The following RALA variants were observed in gnomAD, a reference collection of about 807,000 sequenced individuals.
RALA encodes ras-related protein Ral-A.
RALA carries 5 observed loss-of-function variants against 24.0 expected under a neutral mutation model. The ratio of observed to expected loss-of-function variants is 0.21; its 90% CI spans 0.11 to 0.44. The LOEUF is 0.44. Ranked by LOEUF, RALA falls within the 20% of genes least tolerant of loss-of-function variation. The pLI, the probability that RALA is intolerant of heterozygous loss-of-function variation, is 0.99. For synonymous variants in RALA, 77 were observed against 83.8 expected (o/e 0.92, Z 0.44); for missense variants, 95 against 241.2 (o/e 0.39, Z 4.01).
At chr7:39,674,858 C>T (rs1792452474) in intron 1 of RALA, among the ~76,000 whole-genome samples, 1 of 125,762 alleles carries the variant, frequency 8.0e-6, no homozygotes, top group African/African-American at 3.2e-5. Context: ...GAGTCTTCCT[C>T]TGTTGCCCAG....
intron 4 of RALA, chr7:39,703,246 G>A (rs907515793): frequency 1.3e-5 from 2 of 152,082 alleles, no homozygotes; most frequent in Admixed American, 6.6e-5. Flanking sequence ...AGTCAGAATC[G>A]AGACCTCCTG....
chr7:39,636,850 G>A (rs1022953556), intron 1 of RALA, among the ~76,000 whole-genome samples: 3 of 151,906 alleles, frequency 2.0e-5, no homozygotes, highest in South Asian at 2.1e-4. Flanking sequence ...AGAGAGACAC[G>A]GGGGCAAGGA....
intron 1 of RALA, among the ~76,000 whole-genome samples, chr7:39,644,706 A>G (rs570249405): frequency 1.3e-5 from 2 of 152,284 alleles, no homozygotes; most frequent in East Asian, 3.9e-4. Context: ...TAAACTATCT[A>G]ATTTCATTAG....
chr7:39,691,109 A>G (rs1426156470), intron 3 of RALA, among the ~76,000 whole-genome samples: 1 of 152,186 alleles, frequency 6.6e-6, no homozygotes, highest in Non-Finnish European at 1.5e-5. Context: ...TAATAGAAAT[A>G]ATATCTCTGT....
intron 3 of RALA, among the ~76,000 whole-genome samples, chr7:39,696,211 A>T (rs1413030407): frequency 6.6e-6 from 1 of 152,226 alleles, no homozygotes; most frequent in Non-Finnish European, 1.5e-5. Context: ...TTTGAAAAAC[A>T]ATTGGTGGGA....
intron 1 of RALA, among the ~76,000 whole-genome samples, chr7:39,636,331 A>G (rs1208200504): frequency 1.3e-5 from 2 of 152,202 alleles, no homozygotes; most frequent in Non-Finnish European, 1.5e-5. Flanking sequence ...CTGGAAGCGT[A>G]TGAGAGTTCC....
At chr7:39,699,508 A>C (rs79012338) in intron 4 of RALA, among the ~76,000 whole-genome samples, 1,574 of 152,348 alleles carry the variant, frequency 0.01, 21 homozygotes, top group African/African-American at 0.036. Flanking sequence ...TAGTCAGTGA[A>C]GCATTATTTT....
chr7:39,668,777 A>G (rs1241899900), intron 1 of RALA, among the ~76,000 whole-genome samples: 2 of 148,604 alleles, frequency 1.3e-5, no homozygotes, highest in African/African-American at 5.0e-5. Flanking sequence ...AGCCTGAGCA[A>G]CAAGAGCGAA....
chr7:39,665,652 T>C (rs1792274165), intron 1 of RALA, among the ~76,000 whole-genome samples: 1 of 152,014 alleles, frequency 6.6e-6, no homozygotes, highest in Admixed American at 6.5e-5. Flanking sequence ...AATGTAGTTT[T>C]TTTTTTTTTT....
intron 1 of RALA, among the ~76,000 whole-genome samples, chr7:39,625,382 G>A (rs1278372711): frequency 1.4e-4 from 21 of 152,232 alleles, no homozygotes. Context: ...TTAGTAGGAA[G>A]AGACTGCCTG....
intron 1 of RALA, among the ~76,000 whole-genome samples, chr7:39,665,292 T>C (rs1792263881): frequency 6.6e-6 from 1 of 152,170 alleles, no homozygotes; most frequent in African/African-American, 2.4e-5. Context: ...TAATGACTAG[T>C]AAGTGTATTT....
At chr7:39,645,524 A>G (rs1485483771) in intron 1 of RALA, among the ~76,000 whole-genome samples, 1 of 152,172 alleles carries the variant, frequency 6.6e-6, no homozygotes, top group Non-Finnish European at 1.5e-5. Flanking sequence ...TTTTCCTTTA[A>G]TATTTGAAAC....
intron 3 of RALA, among the ~76,000 whole-genome samples, chr7:39,695,244 C>T (rs1394685168): frequency 6.6e-6 from 1 of 152,084 alleles, no homozygotes; most frequent in Non-Finnish European, 1.5e-5. Context: ...AGTCAAGTCT[C>T]TTCTATAAAA....
intron 1 of RALA, among the ~76,000 whole-genome samples, chr7:39,641,778 A>C (rs570371640): frequency 3.3e-5 from 5 of 152,018 alleles, no homozygotes; most frequent in Non-Finnish European, 7.4e-5. Flanking sequence ...AGTTTTTGTG[A>C]TTTTCTTGCT....
At chr7:39,664,853 G>C (rs1055402667) in intron 1 of RALA, among the ~76,000 whole-genome samples, 1 of 151,574 alleles carries the variant, frequency 6.6e-6, no homozygotes, top group Non-Finnish European at 1.5e-5. Context: ...GCTTGATAGA[G>C]ATCAATGCTT....
intron 1 of RALA, among the ~76,000 whole-genome samples, chr7:39,674,315 A>T (rs1792441769): frequency 6.6e-6 from 1 of 152,192 alleles, no homozygotes; most frequent in South Asian, 2.1e-4. Flanking sequence ...TTTTATGAAC[A>T]ATTTTATCAA....
At chr7:39,675,987 A>C (rs28633445) in intron 1 of RALA, among the ~76,000 whole-genome samples, 2 of 151,482 alleles carry the variant, frequency 1.3e-5, no homozygotes, top group Non-Finnish European at 2.9e-5. Flanking sequence ...AAGTCTTTTT[A>C]TTTTTTTTGA....
At chr7:39,647,359 G>A (rs1266270147) in intron 1 of RALA, among the ~76,000 whole-genome samples, 1 of 152,036 alleles carries the variant, frequency 6.6e-6, no homozygotes, top group Non-Finnish European at 1.5e-5. Context: ...TGTTTCTAGT[G>A]GAAATCCACA....
At chr7:39,701,963 C>T (rs556391280) in intron 4 of RALA, among the ~76,000 whole-genome samples, 11 of 152,110 alleles carry the variant, frequency 7.2e-5, no homozygotes, top group Non-Finnish European at 1.3e-4. Context: ...CAAGGTTGCT[C>T]TTGATTTTAA....
Sources: allele counts gnomAD v4.1 joint callset (sites outside exome capture counted in the v4.1 genomes callset), GRCh38; gene constraint gnomAD v4.1.1; transcripts MANE v1.5; gene names NCBI Gene and HGNC (gene_info 2026-07-23, HGNC 2026-07-21).